Variants in PDE1C observed in about 807,000 individuals in gnomAD.
PDE1C encodes the protein dual specificity calcium/calmodulin-dependent 3',5'-cyclic nucleotide phosphodiesterase 1C.
Under a neutral mutation model 93.1 loss-of-function variants are expected in PDE1C, and 62 were observed. The observed-to-expected ratio is 0.67, with a 90% CI of 0.54 to 0.82. The LOEUF (loss-of-function observed/expected upper bound fraction) is 0.82. Ranked by LOEUF, PDE1C falls within the 40% of genes least tolerant of loss-of-function variation. PDE1C has a pLI of 0.00. For synonymous variants in PDE1C, 325 were observed against 310.1 expected (o/e 1.05, Z -0.50); for missense variants, 742 against 884.6 (o/e 0.84, Z 2.04).
At chr7:32,280,264 A>G (rs1455881942) in intron 1 of PDE1C, among the ~76,000 whole-genome samples, 1 of 152,226 alleles carries the variant, frequency 6.6e-6, no homozygotes, top group African/African-American at 2.4e-5. Flanking sequence ...AGTAAAATTG[A>G]TAGTGAATAT....
At chr7:32,148,520 C>T (rs569612075) in intron 3 of PDE1C, among the ~76,000 whole-genome samples, 5 of 152,162 alleles carry the variant, frequency 3.3e-5, no homozygotes, top group African/African-American at 1.2e-4. Context: ...TCAAGTTGTT[C>T]CAATAGTAGG....
chr7:31,737,084 G>T, the PDE1C span, among the ~76,000 whole-genome samples: 9 of 151,874 alleles, frequency 5.9e-5, no homozygotes, highest in Admixed American at 5.9e-4. Flanking sequence ...CCAAATAGCT[G>T]GGACTACAGG....
intron 2 of PDE1C, among the ~76,000 whole-genome samples, chr7:31,951,437 C>T (rs111881557): frequency 6.6e-6 from 1 of 152,334 alleles, no homozygotes; most frequent in African/African-American, 2.4e-5. Context: ...AAGCTGTCTT[C>T]CCCTCATCAA....
intron 1 of PDE1C, among the ~76,000 whole-genome samples, chr7:32,236,293 G>T (rs920208924): frequency 1.5e-4 from 23 of 151,836 alleles, no homozygotes; most frequent in African/African-American, 4.6e-4. Flanking sequence ...ATCCATAAAA[G>T]AAAAAAATAA....
At chr7:31,821,083 A>G (rs969231223) in intron 14 of PDE1C, among the ~76,000 whole-genome samples, 2 of 151,646 alleles carry the variant, frequency 1.3e-5, no homozygotes, top group African/African-American at 4.8e-5. Context: ...ATTCTCCCAC[A>G]AGATATCCGT....
intron 2 of PDE1C, among the ~76,000 whole-genome samples, chr7:31,977,155 A>G (rs1184281678): frequency 1.3e-5 from 2 of 152,176 alleles, no homozygotes; most frequent in African/African-American, 4.8e-5. Flanking sequence ...TCATATGTTG[A>G]TGGCATTTGG....
chr7:32,392,807 T>G (rs1163562738), intron 1 of PDE1C, among the ~76,000 whole-genome samples: 1 of 151,772 alleles, frequency 6.6e-6, no homozygotes, highest in Non-Finnish European at 1.5e-5. Flanking sequence ...TCCAAGCACT[T>G]TGGGAGGCTG....
intron 1 of PDE1C, among the ~76,000 whole-genome samples, chr7:32,241,541 T>A (rs1808546104): frequency 6.6e-6 from 1 of 151,460 alleles, no homozygotes. Flanking sequence ...GAAAACTGAG[T>A]CTCCATGTAA....
chr7:31,694,387 A>ACACACACACACACACAC, the PDE1C span, among the ~76,000 whole-genome samples: 6 of 141,674 alleles, frequency 4.2e-5, no homozygotes, highest in East Asian at 2.1e-4. Flanking sequence ...CTCTCTCTCA[A>ACACACACACACACACAC]ACACACACAC....
chr7:31,710,340 C>T, the PDE1C span, among the ~76,000 whole-genome samples: 3 of 152,324 alleles, frequency 2.0e-5, no homozygotes, highest in East Asian at 1.9e-4. Flanking sequence ...AGACTTGGCG[C>T]TCTTTCAAAA....
chr7:32,337,436 T>A lies in PDE1C; in HGVS notation c.310+90386A>T, dbSNP rs1041702098. ...ACTGGAAAACCAAAACTAGTATAGT[T>A]GAATGAAAAAAATTATATTAAAAAG... On this transcript the variant is annotated intron_variant, in intron 1 of 1. Transcript: ENST00000672256. Among the ~76,000 whole-genome samples the A allele has an allele frequency of 1.3e-5, 2 of 152,152 alleles. 1 individual carries two copies. The highest frequency in any genetic ancestry group is 2.9e-5 in the Non-Finnish European group (2 of 68,018).
At chr7:32,093,044 T>C (rs1193552266) in intron 3 of PDE1C, among the ~76,000 whole-genome samples, 5 of 152,150 alleles carry the variant, frequency 3.3e-5, no homozygotes, top group Non-Finnish European at 7.3e-5. Context: ...GATTTTCAGG[T>C]TTAAATGCAA....
chr7:32,210,895 G>A (rs1805973155), intron 1 of PDE1C, among the ~76,000 whole-genome samples: 1 of 152,052 alleles, frequency 6.6e-6, no homozygotes, highest in Non-Finnish European at 1.5e-5. Flanking sequence ...AGCTCCCATC[G>A]TCTGTCACAC....
intron 2 of PDE1C, among the ~76,000 whole-genome samples, chr7:32,191,784 A>G (rs1212843613): frequency 1.3e-5 from 2 of 152,178 alleles, no homozygotes; most frequent in Admixed American, 1.3e-4. Flanking sequence ...GCTTTTTAAG[A>G]TACTACCAAG....
chr7:32,080,308 C>A (rs931395712), intron 3 of PDE1C, among the ~76,000 whole-genome samples: 45 of 152,146 alleles, frequency 3.0e-4, no homozygotes, highest in African/African-American at 1.0e-3. Flanking sequence ...TTCCCTCCAA[C>A]CCCCTATGCC....
chr7:31,762,697 A>G (rs1794910553), intron 17 of PDE1C, among the ~76,000 whole-genome samples: 1 of 152,172 alleles, frequency 6.6e-6, no homozygotes, highest in Non-Finnish European at 1.5e-5. Flanking sequence ...CAAGAAAGTG[A>G]GAATGCTGAA....
chr7:32,085,352 C>T (rs1456810197), intron 3 of PDE1C, among the ~76,000 whole-genome samples: 3 of 132,362 alleles, frequency 2.3e-5, no homozygotes, highest in Non-Finnish European at 4.8e-5. Flanking sequence ...GAAATTGTGG[C>T]AATAATCAAT....
chr7:32,237,932 G>A (rs965931526), intron 1 of PDE1C, among the ~76,000 whole-genome samples: 13 of 151,272 alleles, frequency 8.6e-5, no homozygotes, highest in African/African-American at 9.7e-5. Context: ...CACCATGCCC[G>A]GCTAATTTTG....
intron 2 of PDE1C, among the ~76,000 whole-genome samples, chr7:31,914,314 T>C (rs931688264): frequency 6.6e-6 from 1 of 152,204 alleles, no homozygotes; most frequent in Non-Finnish European, 1.5e-5. Context: ...ATAGCTTGAA[T>C]TACATGTATA....
Sources: gnomAD v4.1 joint callset for allele counts (sites outside exome capture counted in the v4.1 genomes callset) on GRCh38, gnomAD v4.1.1 for gene constraint, MANE v1.5 for transcripts, NCBI Gene and HGNC (gene_info 2026-07-23, HGNC 2026-07-21) for gene names.